The following LRTM1 variants were observed in gnomAD, a reference collection of about 807,000 sequenced individuals.
LRTM1 encodes leucine-rich repeat and transmembrane domain-containing protein 1.
Under a neutral mutation model 32.4 loss-of-function variants are expected in LRTM1, and 38 were observed. The ratio of observed to expected loss-of-function variants is 1.17; its 90% confidence interval spans 0.91 to 1.54. LRTM1 has a LOEUF of 1.54. Among genes scored for constraint, LRTM1 ranks in the 40% most tolerant of loss-of-function variants. LRTM1 has a pLI of 0.00. For synonymous variants in LRTM1, 186 were observed against 169.9 expected, an observed-to-expected ratio of 1.09 and a Z score of -0.74; for missense variants, 466 against 415.4, an observed-to-expected ratio of 1.12 and a Z score of -1.06.
chr3:54,942,069 A>G (rs969951279), intron 1 of LRTM1, among the ~76,000 whole-genome samples: 7 of 152,210 alleles, frequency 4.6e-5, no homozygotes, highest in African/African-American at 1.7e-4. Flanking sequence ...TCACATAGGA[A>G]CTTCAAATAG....
intron 1 of LRTM1, 39 bp from the exon 2 acceptor site, chr3:54,925,254 T>C: frequency 6.5e-7 from 1 of 1,537,936 alleles, no homozygotes. Flanking sequence ...GGAACCAGTT[T>C]GTGAGGTGTG....
At chr3:54,933,060 CCTTCCTTCCTTCCTT>C (rs1701237562) in intron 1 of LRTM1, among the ~76,000 whole-genome samples, 1 of 7,594 alleles carries the variant, frequency 1.3e-4, no homozygotes, top group Non-Finnish European at 2.5e-4. Context: ...TCCCTTCCTT[CCTTCCTTCCTTCCTT>C]CCTTCCTTCC....
At chr3:54,926,249 T>C (rs1701013714) in intron 1 of LRTM1, among the ~76,000 whole-genome samples, 1 of 152,188 alleles carries the variant, frequency 6.6e-6, no homozygotes, top group South Asian at 2.1e-4. Context: ...TTTATAAATA[T>C]GTATATTAAT....
At chr3:54,956,305 C>A (rs1233412471) in intron 1 of LRTM1, among the ~76,000 whole-genome samples, 1 of 152,212 alleles carries the variant, frequency 6.6e-6, no homozygotes, top group Non-Finnish European at 1.5e-5. Context: ...GTGTAGTCAT[C>A]CTTTCCATGT....
chr3:54,955,452 T>C (rs1701863606), intron 1 of LRTM1, among the ~76,000 whole-genome samples: 1 of 151,736 alleles, frequency 6.6e-6, no homozygotes, highest in South Asian at 2.1e-4. Context: ...GCATTTCTTT[T>C]GGAAAAAAGA....
intron 2 of LRTM1, among the ~76,000 whole-genome samples, chr3:54,920,390 T>TG (rs1468228496): frequency 2.0e-5 from 3 of 151,202 alleles, no homozygotes; most frequent in African/African-American, 7.3e-5. Context: ...TTGTTGCCAC[T>TG]GCTTAAAACT....
At position 54,922,320 on chromosome 3, in the gene LRTM1, C is replaced by CT. The variant is rs199955110; in HGVS notation, c.604+2298dup. Among the ~76,000 whole-genome samples the CT allele has an allele frequency of 5.6e-3, 772 of 137,008 alleles. 6 individuals are homozygous for CT. Among genetic ancestry groups the CT allele is most frequent in the Non-Finnish European group, 8.8e-3 (551 of 62,356 alleles). 89.9% of individuals were successfully genotyped at this position (137,008 alleles called of 152,430 possible). A position where few individuals can be genotyped will look rare whatever the true frequency, so the allele number is the denominator to read the frequency against. On this transcript the variant is annotated intron_variant, in intron 2 of 2. Coordinates refer to ENST00000273286, the MANE Select transcript of LRTM1 (RefSeq NM_020678.4). Reference sequence around the variant, plus strand: ...GCTTCCAGTGCCCTAGTCCTGGGAACTTTTTTTTTTTTTTTTTAATCAAGA... The same window carrying CT: ...GCTTCCAGTGCCCTAGTCCTGGGAACTTTTTTTTTTTTTTTTTTAATCAAGA...
chr3:54,919,017 A>G, intron 2 of LRTM1, 125 bp from the exon 3 acceptor site: 1 of 745,978 alleles, frequency 1.3e-6, no homozygotes, highest in Non-Finnish European at 2.0e-6. Context: ...TAAATCCTGG[A>G]GTCAAAGAAT....
At chr3:54,957,898 C>G (rs1701941064) in intron 1 of LRTM1, among the ~76,000 whole-genome samples, 1 of 152,218 alleles carries the variant, frequency 6.6e-6, no homozygotes, top group Non-Finnish European at 1.5e-5. Flanking sequence ...ATCCTTCCCT[C>G]CCCTGCTGAG....
At chr3:54,931,653 C>A (rs1450726992), upstream of LRTM1, among the ~76,000 whole-genome samples, 1 of 152,150 alleles carries the variant, frequency 6.6e-6, no homozygotes, top group Admixed American at 6.5e-5. Flanking sequence ...TGCAGATGCA[C>A]CCGTAGAGTA....
chr3:54,922,076 C>T (rs897888346), intron 2 of LRTM1, among the ~76,000 whole-genome samples: 6 of 152,088 alleles, frequency 3.9e-5, no homozygotes, highest in Non-Finnish European at 8.8e-5. Context: ...TGCCTTCCTC[C>T]GAAGAAAAGC....
At chr3:54,939,285 A>G (rs1701401653) in intron 1 of LRTM1, among the ~76,000 whole-genome samples, 4 of 152,204 alleles carry the variant, frequency 2.6e-5, no homozygotes. Context: ...TAAAGAGAAA[A>G]TTGAAACTTG....
At position 54,958,079 on chromosome 3, in the gene LRTM1, C is replaced by G. The variant is rs150839364; in HGVS notation, c.-222+8849G>C. Among the ~76,000 whole-genome samples, 48 of 152,352 alleles carry G rather than the reference C, an allele frequency of 3.2e-4. No individual in the cohort carries two copies. The East Asian group carries it at 7.5e-3, about 24-fold the overall frequency. ...GTGCCTGCCTGTGCTGGTAGCTTCT[C>G]TAGGTACAGGGAATACAGCAGTAAA... On this transcript the variant is annotated intron_variant, in intron 1 of 2. Coordinates refer to the LRTM1 transcript ENST00000493075.
intron 1 of LRTM1, among the ~76,000 whole-genome samples, chr3:54,941,832 C>T (rs1701474958): frequency 6.6e-6 from 1 of 152,146 alleles, no homozygotes; most frequent in Admixed American, 6.5e-5. Flanking sequence ...CAGGGACATG[C>T]ATTGGCCTCC....
chr3:54,951,799 T>C (rs370533491), intron 1 of LRTM1, among the ~76,000 whole-genome samples: 25 of 152,208 alleles, frequency 1.6e-4, no homozygotes, highest in African/African-American at 6.0e-4. Flanking sequence ...TGGCCCAGAG[T>C]GGGCCCTCAG....
intron 1 of LRTM1, among the ~76,000 whole-genome samples, chr3:54,960,135 C>A (rs558409704): frequency 6.6e-6 from 1 of 151,492 alleles, no homozygotes; most frequent in South Asian, 2.1e-4. Context: ...ATGGATCAGG[C>A]CTTCCTACAC....
intron 1 of LRTM1, among the ~76,000 whole-genome samples, chr3:54,950,769 G>A (rs1692445688): frequency 2.0e-5 from 3 of 152,164 alleles, no homozygotes; most frequent in Admixed American, 1.3e-4. Context: ...CCAATATCTT[G>A]CACCTTGATC....
At chr3:54,921,293 A>C (rs1293535789) in intron 2 of LRTM1, among the ~76,000 whole-genome samples, 2 of 152,164 alleles carry the variant, frequency 1.3e-5, no homozygotes, top group Admixed American at 1.3e-4. Context: ...CTGCTTGCTC[A>C]TCTGGAAAGT....
upstream of LRTM1, among the ~76,000 whole-genome samples, chr3:54,930,837 TGTAATCCCAATATACTTTG>T (rs1442511570): frequency 2.6e-5 from 4 of 152,262 alleles, no homozygotes; most frequent in African/African-American, 9.6e-5. Context: ...GGCTCACGCC[TGTAATCCCAATATACTTTG>T]GGAGGCTGAG....
Sources: allele counts gnomAD v4.1 joint callset (sites outside exome capture counted in the v4.1 genomes callset), GRCh38; gene constraint gnomAD v4.1.1; transcripts MANE v1.5; gene names NCBI Gene and HGNC (gene_info 2026-07-23, HGNC 2026-07-21).